Variants in CST9 observed in about 807,000 individuals in gnomAD.
CST9 encodes cystatin-9.
CST9 carries 11 observed loss-of-function variants against 7.7 expected under a neutral mutation model. The ratio of observed to expected loss-of-function variants is 1.44; its 90% CI spans 0.90 to 2.38. CST9 has a LOEUF of 2.38. CST9 is among the 30% of genes most tolerant of loss of function. The probability of loss-of-function intolerance (pLI) is 0.00; values close to 1 mark genes in which losing one functional copy is unlikely to be tolerated. For missense variants in CST9, 214 were observed against 199.1 expected, an observed-to-expected ratio of 1.07 and a Z score of -0.45; for synonymous variants, 71 against 74.3, an observed-to-expected ratio of 0.96 and a Z score of 0.23.
rs1978642641 is a variant in CST9, at chr20:23,602,651, T to C, written c.*859A>G. 2 of 979,910 alleles carry C rather than the reference T, an allele frequency of 2.0e-6. No homozygotes were observed. Among genetic ancestry groups the C allele is most frequent in the Non-Finnish European group, 2.4e-6 (2 of 825,032 alleles). 60.7% of individuals were successfully genotyped at this position (979,910 alleles called of 1,614,324 possible). ...CAGGAGAGCCCCTCTGAGCAGGTCT[T>C]GTTCAGGAGTTCAAAATATGTCTTC... is the stretch of plus-strand genomic sequence containing the variant. On this transcript the variant is annotated 3_prime_UTR_variant, in exon 2 of 2. Transcript: ENST00000376971.
chr20:23,603,548 C>T lies in CST9; in HGVS notation c.442G>A (p.Ala148Thr), dbSNP rs1568692170. The change falls in exon 2 of 2, where the codon GCA becomes ACA. Residue 148 changes from alanine (A) to threonine (T), a missense_variant. Transcript: ENST00000376971. ...TCCCTCGGAATGGCTTTGTCAGCTG[C>T]TCCTGTGCCCACACCACACCCCATG... ...CCMGCGVGTG[A>T]ADKAIPRDKG... The T allele has an allele frequency of 1.2e-6, 2 of 1,614,180 alleles. No individual in the cohort carries two copies. The highest frequency in any genetic ancestry group is 1.7e-6 in the Non-Finnish European group (2 of 1,180,022).
Position 23,603,134 on chromosome 20 carries a change from G to T in CST9, c.*376C>A, listed in dbSNP as rs1026965727. 1.0e-5 allele frequency: 11 copies of T among 1,050,296 alleles called. No homozygotes were observed. Among genetic ancestry groups the T allele is most frequent in the Middle Eastern group, 4.5e-4 (1 of 2,212 alleles). The allele number at this position is 1,050,296 out of a possible 1,614,324, so 65.1% of individuals were successfully genotyped here. ...GGAAGTTTTCCCAGAGCCAGGCTTT[G>T]CTTGGAGCTCGTCCCCTAGAGCAGG... On this transcript the variant is annotated 3_prime_UTR_variant, in exon 2 of 2. Transcript: ENST00000376971.
Position 23,603,335 on chromosome 20 carries a change from A to G in CST9, c.*175T>C. 8 of 1,435,708 alleles carry G rather than the reference A, an allele frequency of 5.6e-6. No individual in the cohort carries two copies. The highest frequency in any genetic ancestry group is 7.3e-6 in the Non-Finnish European group (8 of 1,100,122). 88.9% of individuals were successfully genotyped at this position (1,435,708 alleles called of 1,614,324 possible). ...GGGAAGAAGTGGGGAGGAAGACCAG[A>G]GAGAAGGTTCTGAAGGCCATGTGGC... On this transcript the variant is annotated 3_prime_UTR_variant, in exon 2 of 2. Coordinates refer to ENST00000376971, the MANE Select transcript of CST9 (RefSeq NM_001008693.3).
Position 23,605,756 on chromosome 20 carries a change from C to G in CST9, c.109G>C (p.Gly37Arg). The G allele has an allele frequency of 6.2e-7, 1 of 1,614,216 alleles. No individual in the cohort carries two copies. ...YAWCSEEEMG[G>R]NNKIVQDPMF... is the part of the protein sequence containing the mutation. ...GGATCCTGGACTATTTTATTATTAC[C>G]ACCCATTTCCTCTTCAGAACACCAG... is the stretch of plus-strand genomic sequence containing the variant. The change falls in exon 1 of 2, where the codon GGT becomes CGT. Residue 37 changes from glycine (G) to arginine (R), a missense_variant. Coordinates refer to ENST00000376971, the MANE Select transcript of CST9 (RefSeq NM_001008693.3).
At position 23,602,925 on chromosome 20, in the gene CST9, G is replaced by T. The variant is rs1978654346; in HGVS notation, c.*585C>A. The T allele has an allele frequency of 1.0e-6, 1 of 988,656 alleles. No homozygotes were observed. The highest frequency in any genetic ancestry group is 4.7e-5 in the South Asian group (1 of 21,390). 61.2% of individuals were successfully genotyped at this position (988,656 alleles called of 1,614,324 possible). A position where few individuals can be genotyped will look rare whatever the true frequency, so the allele number is the denominator to read the frequency against. On this transcript the variant is annotated 3_prime_UTR_variant, in exon 2 of 2. Coordinates refer to ENST00000376971, the MANE Select transcript of CST9 (RefSeq NM_001008693.3). ...TTGAGGCTCCCTCCCTCCTTAGCCA[G>T]GGTCACTTGTGCCATGCCTCCTCCT...
chr20:23,605,623 C>T lies in CST9; in HGVS notation c.242G>A (p.Ser81Asn), dbSNP rs769382425. Residue 81 changes from serine (S) to asparagine (N), a missense_variant, in exon 1 of 2, where the codon AGC becomes AAC. By Grantham distance (46) the Ser-to-Asn change is conservative. Transcript: ENST00000376971. ...GTGGTCACCAACCTTTCTGTCCATGCTATCCTCCCTCCATGAACTCAGGAC... is the reference window on the plus strand; with the variant it reads ...GTGGTCACCAACCTTTCTGTCCATGTTATCCTCCCTCCATGAACTCAGGAC... ...LRVLSSWRED[S>N]MDRKWRGKMV... 1 of 1,614,116 alleles carries T rather than the reference C, an allele frequency of 6.2e-7. No homozygotes were observed. Among genetic ancestry groups the T allele is most frequent in the South Asian group, 1.1e-5 (1 of 91,066 alleles).
At chr20:23,603,880 G>A in intron 1 of CST9, 146 bp from the exon 2 acceptor site, 1 of 836,014 alleles carries the variant, frequency 1.2e-6, no homozygotes, top group East Asian at 2.5e-5. Flanking sequence ...GCTCACTGGA[G>A]GTGAAACCCA....
rs751450837 is a variant in CST9, at chr20:23,605,687, C to T, written c.178G>A (p.Val60Met). The part of the protein sequence containing the change: ...TVEFALNTFN[V>M]QSKEEHAYRL... ...TAGGCATGCTCCTCCTTGCTCTGCA[C>T]GTTGAAAGTGTTCAAGGCAAACTCC... is the stretch of plus-strand genomic sequence containing the variant. The change falls in exon 1 of 2, where the codon GTG becomes ATG. Residue 60 changes from valine (V) to methionine (M), a missense_variant. Physicochemically the swap from Val to Met is conservative, Grantham distance 21. Transcript: ENST00000376971. 1.3e-5 allele frequency: 21 copies of T among 1,614,206 alleles called. No homozygotes were observed. In the East Asian group the frequency reaches 1.3e-4, roughly 10 times the overall value.
In CST9 at chr20:23,603,290, G is replaced by T; in HGVS notation, c.*220C>A. On this transcript the variant is annotated 3_prime_UTR_variant, in exon 2 of 2. Coordinates refer to ENST00000376971, the MANE Select transcript of CST9 (RefSeq NM_001008693.3). ...ACAGACATTGTCACCATTGTCTCCA[G>T]GCTCTTTCTCTAGAAGGCAGGGAAG... is the stretch of plus-strand genomic sequence containing the variant. The T allele has an allele frequency of 4.2e-6, 6 of 1,416,608 alleles. No individual in the cohort carries two copies. The highest frequency in any genetic ancestry group is 3.1e-5 in the South Asian group (2 of 65,350). The allele number at this position is 1,416,608 out of a possible 1,614,324, so 87.8% of individuals were successfully genotyped here.
In CST9 at chr20:23,605,785, T is replaced by A. The variant is rs756140574; in HGVS notation, c.80A>T (p.Tyr27Phe). Reference protein sequence around the residue: ...LLMGFQLLVTYAWCSEEEMGG... With the variant: ...LLMGFQLLVTFAWCSEEEMGG... Reference sequence around the variant, plus strand: ...CATTTCCTCTTCAGAACACCAGGCATAAGTCACCAGGAGCTGGAAGCCCAT... The same window carrying A: ...CATTTCCTCTTCAGAACACCAGGCAAAAGTCACCAGGAGCTGGAAGCCCAT... The change falls in exon 1 of 2, where the codon TAT (tyrosine) becomes TTT (phenylalanine). Residue 27 changes from tyrosine (Y) to phenylalanine (F), a missense_variant. Coordinates refer to ENST00000376971, the MANE Select transcript of CST9 (RefSeq NM_001008693.3). 1 of 1,614,188 alleles carries A rather than the reference T, an allele frequency of 6.2e-7. No homozygotes were observed. The highest frequency in any genetic ancestry group is 1.1e-5 in the South Asian group (1 of 91,078).
Position 23,603,445 on chromosome 20 carries a change from T to C in CST9, c.*65A>G. 1 of 1,571,730 alleles carries C rather than the reference T, an allele frequency of 6.4e-7. No homozygotes were observed. Among genetic ancestry groups the C allele is most frequent in the Non-Finnish European group, 8.6e-7 (1 of 1,157,778 alleles). On this transcript the variant is annotated 3_prime_UTR_variant, in exon 2 of 2. Transcript: ENST00000376971. ...GGGGCCTGAAAGTGAACCCCTGGGCTTAATGCCTCACTGGGCTTCCCACTA... is the reference window on the plus strand; with the variant it reads ...GGGGCCTGAAAGTGAACCCCTGGGCCTAATGCCTCACTGGGCTTCCCACTA...
chr20:23,602,594 G>T lies in CST9; in HGVS notation c.*916C>A. 4.8e-6 allele frequency: 3 copies of T among 621,688 alleles called. No individual in the cohort carries two copies. Among genetic ancestry groups the T allele is most frequent in the Non-Finnish European group, 6.0e-6 (3 of 497,674 alleles). The allele number at this position is 621,688 out of a possible 1,614,324, so 38.5% of individuals were successfully genotyped here. A position where few individuals can be genotyped will look rare whatever the true frequency, so the allele number is the denominator to read the frequency against. On this transcript the variant is annotated 3_prime_UTR_variant, in exon 2 of 2. Transcript: ENST00000376971. ...GCTGGTGTCCACGGGGGAGGGGGCA[G>T]CATGTGGCCAGGCATGTGAGTGGCT...
chr20:23,603,311 G>A lies in CST9; in HGVS notation c.*199C>T. ...TCCAGGCTCTTTCTCTAGAAGGCAG[G>A]GAAGAAGTGGGGAGGAAGACCAGAG... On this transcript the variant is annotated 3_prime_UTR_variant, in exon 2 of 2. Transcript: ENST00000376971. 1 of 1,429,014 alleles carries A rather than the reference G, an allele frequency of 7.0e-7. No individual in the cohort carries two copies. Among genetic ancestry groups the A allele is most frequent in the African/African-American group, 1.4e-5 (1 of 69,664 alleles). The allele number at this position is 1,429,014 out of a possible 1,614,324, so 88.5% of individuals were successfully genotyped here. A position where few individuals can be genotyped will look rare whatever the true frequency, so the allele number is the denominator to read the frequency against.
chr20:23,603,768 C>T lies in CST9; in HGVS notation c.256-34G>A, dbSNP rs199799139. 30 of 1,602,896 alleles carry T rather than the reference C, an allele frequency of 1.9e-5. 1 individual carries two copies. Among genetic ancestry groups the T allele is most frequent in the East Asian group, 1.3e-4 (6 of 44,840 alleles). On this transcript the variant is annotated intron_variant, in intron 1 of 1. Transcript: ENST00000376971. Reference sequence around the variant, plus strand: ...CAAAAGAAGATTAAAGTGGATGCACCGTCTTCCTGCCCCTAAGTAGCTACT... The same window carrying T: ...CAAAAGAAGATTAAAGTGGATGCACTGTCTTCCTGCCCCTAAGTAGCTACT...
Position 23,603,039 on chromosome 20 carries a change from A to G in CST9, c.*471T>C. On this transcript the variant is annotated 3_prime_UTR_variant, in exon 2 of 2. Coordinates refer to ENST00000376971, the MANE Select transcript of CST9 (RefSeq NM_001008693.3). ...CAGGAGAATGTTTTGTCCCAGTGGA[A>G]GCAGTTCCCAGACTTAGGCAATTAG... 9.9e-7 allele frequency: 1 copy of G among 1,005,810 alleles called. No individual in the cohort carries two copies. Among genetic ancestry groups the G allele is most frequent in the Non-Finnish European group, 1.2e-6 (1 of 842,832 alleles). The allele number at this position is 1,005,810 out of a possible 1,614,324, so 62.3% of individuals were successfully genotyped here. A position where few individuals can be genotyped will look rare whatever the true frequency, so the allele number is the denominator to read the frequency against.
rs895355474 is a variant in CST9 at position 23,603,318 on chromosome 20, G to C, written c.*192C>G. The C allele has an allele frequency of 7.0e-7, 1 of 1,431,570 alleles. No homozygotes were observed. The highest frequency in any genetic ancestry group is 1.4e-5 in the African/African-American group (1 of 69,604). 88.7% of individuals were successfully genotyped at this position (1,431,570 alleles called of 1,614,324 possible). ...TCTTTCTCTAGAAGGCAGGGAAGAA[G>C]TGGGGAGGAAGACCAGAGAGAAGGT... is the stretch of plus-strand genomic sequence containing the variant. On this transcript the variant is annotated 3_prime_UTR_variant, in exon 2 of 2. Transcript: ENST00000376971.
chr20:23,605,618 C>T lies in CST9; in HGVS notation c.247G>A (p.Asp83Asn). ...AGGATGTGGTCACCAACCTTTCTGT[C>T]CATGCTATCCTCCCTCCATGAACTC... ...VLSSWREDSM[D>N]RKWRGKMVFS... Residue 83 changes from aspartate (D) to asparagine (N), a missense_variant, in exon 1 of 2, where the codon GAC (aspartate) becomes AAC (asparagine). Asp to Asn is a conservative substitution (Grantham distance 23). Coordinates refer to ENST00000376971, the MANE Select transcript of CST9 (RefSeq NM_001008693.3). 9 of 1,613,966 alleles carry T rather than the reference C, an allele frequency of 5.6e-6. No individual in the cohort carries two copies. Among genetic ancestry groups the T allele is most frequent in the African/African-American group, 1.3e-5 (1 of 75,060 alleles).
rs1978670138 is a variant in CST9 at position 23,603,416 on chromosome 20, G to C, written c.*94C>G. Reference sequence around the variant, plus strand: ...GGGCAGAATCAGGAAACTCAGATTGGCCAGGGGCCTGAAAGTGAACCCCTG... The same window carrying C: ...GGGCAGAATCAGGAAACTCAGATTGCCCAGGGGCCTGAAAGTGAACCCCTG... On this transcript the variant is annotated 3_prime_UTR_variant, in exon 2 of 2. Coordinates refer to ENST00000376971, the MANE Select transcript of CST9 (RefSeq NM_001008693.3). 6.7e-7 allele frequency: 1 copy of C among 1,503,010 alleles called. No individual in the cohort carries two copies. Among genetic ancestry groups the C allele is most frequent in the East Asian group, 2.4e-5 (1 of 40,878 alleles). 93.1% of individuals were successfully genotyped at this position (1,503,010 alleles called of 1,614,324 possible). A position where few individuals can be genotyped will look rare whatever the true frequency, so the allele number is the denominator to read the frequency against.
Position 23,603,240 on chromosome 20 carries a change from T to C in CST9, c.*270A>G. On this transcript the variant is annotated 3_prime_UTR_variant, in exon 2 of 2. Coordinates refer to ENST00000376971, the MANE Select transcript of CST9 (RefSeq NM_001008693.3). Reference sequence around the variant, plus strand: ...CACCACTTTTGGGTCTAGGGCAGGGTAGGGAAACCCTGAGAAAAGTACCCA... The same window carrying C: ...CACCACTTTTGGGTCTAGGGCAGGGCAGGGAAACCCTGAGAAAAGTACCCA... 7.6e-7 allele frequency: 1 copy of C among 1,319,794 alleles called. No individual in the cohort carries two copies. Among genetic ancestry groups the C allele is most frequent in the South Asian group, 1.7e-5 (1 of 60,148 alleles). 81.8% of individuals were successfully genotyped at this position (1,319,794 alleles called of 1,614,324 possible). A position where few individuals can be genotyped will look rare whatever the true frequency, so the allele number is the denominator to read the frequency against.
Sources: gnomAD v4.1 joint callset for allele counts on GRCh38, gnomAD v4.1.1 for gene constraint, MANE v1.5 for transcripts, NCBI Gene and HGNC (gene_info 2026-07-23, HGNC 2026-07-21) for gene names.